The following KANK1 variants were observed in gnomAD, a reference collection of about 807,000 sequenced individuals.
The protein encoded by KANK1 is KN motif and ankyrin repeat domains 1.
In KANK1, 109 loss-of-function variants were observed where a neutral mutation model predicts 106.2. The ratio of observed to expected loss-of-function variants is 1.03; its 90% CI spans 0.88 to 1.20. The LOEUF is 1.20. Ranked by LOEUF, KANK1 falls within the 50% of genes most tolerant of loss-of-function variation. The pLI, the probability that KANK1 is intolerant of heterozygous loss-of-function variation, is 0.00. For synonymous variants in KANK1, 873 were observed against 652.2 expected (o/e 1.34, Z -5.16); for missense variants, 2,399 against 1,710.7 (o/e 1.40, Z -7.10).
At chr9:619,857 C>G (rs1198269044) in intron 1 of KANK1, among the ~76,000 whole-genome samples, 1 of 152,004 alleles carries the variant, frequency 6.6e-6, no homozygotes, top group Non-Finnish European at 1.5e-5. Flanking sequence ...TTCGTTGTGG[C>G]TGGGTGCAGT....
chr9:557,645 G>A (rs1587791883), intron 1 of KANK1, among the ~76,000 whole-genome samples: 2 of 152,190 alleles, frequency 1.3e-5, no homozygotes, highest in South Asian at 4.1e-4. Context: ...GACAGATCAC[G>A]AAAGTACTAA....
intron 1 of KANK1, among the ~76,000 whole-genome samples, chr9:656,932 T>A (rs1365086828): frequency 6.6e-6 from 1 of 152,182 alleles, no homozygotes; most frequent in African/African-American, 2.4e-5. Context: ...CTCTGAATGT[T>A]TAAGTGTACA....
At chr9:589,227 CATCTT>C (rs1337512500) in intron 1 of KANK1, among the ~76,000 whole-genome samples, 1 of 152,144 alleles carries the variant, frequency 6.6e-6, no homozygotes, top group African/African-American at 2.4e-5. Context: ...TTATTAATCT[CATCTT>C]ACAGAGGAGG....
rs185710519 is a variant in KANK1, at chr9:691,435, T to A, written c.37+14426T>A. Among the ~76,000 whole-genome samples the A allele has an allele frequency of 7.4e-3, 1,113 of 150,434 alleles. 14 individuals carry two copies. Among genetic ancestry groups the A allele is most frequent in the African/African-American group, 0.023 (941 of 41,234 alleles). ...ATATATATATTTATTTATTATTATT[T>A]TTTTTAATAGAGACAAGGTCTCACT... is the stretch of plus-strand genomic sequence containing the variant. On this transcript the variant is annotated intron_variant, in intron 2 of 11. Coordinates refer to ENST00000382297, the MANE Select transcript of KANK1 (RefSeq NM_015158.5).
rs1247735131 is a variant in KANK1, at chr9:714,235, C to T, written c.2698+771C>T. ...TATAGACAGTAGACCTATAACATGT[C>T]AGGAGGCGATAAATACTGTGAAGAA... On this transcript the variant is annotated intron_variant, in intron 3 of 11. Coordinates refer to ENST00000382297, the MANE Select transcript of KANK1 (RefSeq NM_015158.5). 2.6e-5 allele frequency among the ~76,000 whole-genome samples: 4 copies of T among 152,032 alleles called. No individual in the cohort carries two copies. In the East Asian group the frequency reaches 7.7e-4, roughly 29 times the overall value.
At chr9:742,635 C>G (rs563737030) in intron 10 of KANK1, among the ~76,000 whole-genome samples, 1 of 152,156 alleles carries the variant, frequency 6.6e-6, no homozygotes, top group Non-Finnish European at 1.5e-5. Flanking sequence ...AGGCCCTACC[C>G]CAAAAATTCA....
At chr9:745,043 G>C (rs1046550649) in intron 11 of KANK1, 130 bp from the exon 12 acceptor site, 8 of 1,519,434 alleles carry the variant, frequency 5.3e-6, no homozygotes, top group Non-Finnish European at 7.0e-6. Context: ...CCTGTTCTCA[G>C]CCAGAGCTCT....
chr9:529,970 C>T (rs2059984506), intron 1 of KANK1, among the ~76,000 whole-genome samples: 1 of 152,120 alleles, frequency 6.6e-6, no homozygotes, highest in Admixed American at 6.6e-5. Flanking sequence ...TTAATCTTTA[C>T]CAATCTGTTA....
At chr9:486,094 G>T (rs1475593587) in intron 3 of KANK1, among the ~76,000 whole-genome samples, 1 of 152,026 alleles carries the variant, frequency 6.6e-6, no homozygotes, top group African/African-American at 2.4e-5. Context: ...AAAAATTTTT[G>T]ACCAGACTCT....
intron 1 of KANK1, among the ~76,000 whole-genome samples, chr9:594,957 C>T (rs1825852330): frequency 6.6e-6 from 1 of 151,602 alleles, no homozygotes; most frequent in Non-Finnish European, 1.5e-5. Flanking sequence ...GATACTTTGT[C>T]ATCTTTTCTT....
intron 1 of KANK1, among the ~76,000 whole-genome samples, chr9:546,778 T>C (rs1046194806): frequency 6.6e-6 from 1 of 152,058 alleles, no homozygotes; most frequent in Non-Finnish European, 1.5e-5. Flanking sequence ...CAGGAAATTC[T>C]ATTTTGGCAA....
chr9:584,320 T>A (rs1822906912), intron 1 of KANK1, among the ~76,000 whole-genome samples: 1 of 152,256 alleles, frequency 6.6e-6, no homozygotes, highest in Non-Finnish European at 1.5e-5. Context: ...TATGTTTATG[T>A]GTCATGCATA....
intron 1 of KANK1, among the ~76,000 whole-genome samples, chr9:569,860 C>G (rs914410701): frequency 6.6e-6 from 1 of 151,334 alleles, no homozygotes; most frequent in Admixed American, 6.6e-5. Context: ...ATGTAGTTCA[C>G]TTATGTTAAT....
At chr9:518,249 A>G (rs772598129) in intron 1 of KANK1, among the ~76,000 whole-genome samples, 4 of 151,792 alleles carry the variant, frequency 2.6e-5, no homozygotes, top group Non-Finnish European at 5.9e-5. Context: ...ATCCAGTTTG[A>G]CCAGATAACT....
chr9:576,067 T>A (rs1426226943), intron 1 of KANK1, among the ~76,000 whole-genome samples: 1 of 152,126 alleles, frequency 6.6e-6, no homozygotes, highest in Non-Finnish European at 1.5e-5. Context: ...CAAAGTATGG[T>A]CTATGGACCA....
At chr9:661,336 C>T (rs1055691262) in intron 1 of KANK1, among the ~76,000 whole-genome samples, 3 of 151,306 alleles carry the variant, frequency 2.0e-5, no homozygotes, top group Non-Finnish European at 4.4e-5. Context: ...CAAGTGTGCT[C>T]ATTGTTCAGT....
chr9:522,204 G>A lies in KANK1; in HGVS notation c.-84+17450G>A, dbSNP rs769087115. Among the ~76,000 whole-genome samples, 112 of 151,704 alleles carry A rather than the reference G, an allele frequency of 7.4e-4. 1 individual carries two copies. Among genetic ancestry groups the A allele is most frequent in the Non-Finnish European group, 4.7e-4 (32 of 68,006 alleles). ...TTTACTAATTTAGGTCTCATTTTAC[G>A]ATTCTGTTTTCCCTTTTGCTGAATT... On this transcript the variant is annotated intron_variant, in intron 1 of 11. Transcript: ENST00000382297.
chr9:659,311 C>T (rs1441386260), intron 1 of KANK1, among the ~76,000 whole-genome samples: 1 of 152,124 alleles, frequency 6.6e-6, no homozygotes, highest in Non-Finnish European at 1.5e-5. Flanking sequence ...CCAGTTAACC[C>T]ATCTTTGAAG....
chr9:517,266 G>A (rs934296824), intron 1 of KANK1, among the ~76,000 whole-genome samples: 2 of 151,610 alleles, frequency 1.3e-5, no homozygotes, highest in African/African-American at 4.9e-5. Flanking sequence ...ACCATGCCTA[G>A]CTAATTTTTG....
Sources: allele counts gnomAD v4.1 joint callset (sites outside exome capture counted in the v4.1 genomes callset), GRCh38; gene constraint gnomAD v4.1.1; transcripts MANE v1.5; gene names NCBI Gene and HGNC (gene_info 2026-07-23, HGNC 2026-07-21).